Variants in NOL4 observed in about 807,000 individuals in gnomAD.
The protein encoded by NOL4 is nucleolar protein 4.
Under a neutral mutation model 75.9 loss-of-function variants are expected in NOL4, and 17 were observed. That is an observed-to-expected ratio of 0.22 (90% CI 0.15 to 0.34). NOL4 has a LOEUF of 0.34. Ranked by LOEUF, NOL4 falls within the 10% of genes least tolerant of loss-of-function variation. The probability of loss-of-function intolerance (pLI) is 1.00; values close to 1 mark genes in which losing one functional copy is unlikely to be tolerated. For synonymous variants in NOL4, 292 were observed against 289.9 expected (o/e 1.01, Z -0.07); for missense variants, 614 against 793.5 (o/e 0.77, Z 2.72).
At chr18:34,103,923 G>T (rs1382464530) in intron 4 of NOL4, 124 bp downstream of exon 4, 1 of 640,782 alleles carries the variant, frequency 1.6e-6, no homozygotes, top group African/African-American at 1.8e-5. Flanking sequence ...CAACTGTGGT[G>T]AGATTCATTC....
intron 2 of NOL4, among the ~76,000 whole-genome samples, chr18:34,116,040 C>T (rs2079841407): frequency 6.6e-6 from 1 of 152,120 alleles, no homozygotes; most frequent in Admixed American, 6.5e-5. Context: ...ATCAGTAAAA[C>T]AGAAAATAAT....
At chr18:34,046,833 T>G (rs1007088298) in intron 5 of NOL4, among the ~76,000 whole-genome samples, 2 of 151,652 alleles carry the variant, frequency 1.3e-5, no homozygotes, top group Non-Finnish European at 2.9e-5. Flanking sequence ...ATAAGCTACT[T>G]TAATTTGTTC....
At chr18:34,139,114 T>C (rs1035506769) in intron 1 of NOL4, among the ~76,000 whole-genome samples, 2 of 152,242 alleles carry the variant, frequency 1.3e-5, no homozygotes, top group African/African-American at 4.8e-5. Context: ...TCGATGTTTA[T>C]CAGGGATATT....
At chr18:34,171,874 C>T (rs1218345543) in intron 1 of NOL4, among the ~76,000 whole-genome samples, 1 of 152,022 alleles carries the variant, frequency 6.6e-6, no homozygotes, top group African/African-American at 2.4e-5. Flanking sequence ...TACATTCTAG[C>T]CTTAATCAGA....
rs555851323 is a variant in NOL4, at chr18:34,039,529, T to C, written c.773-19928A>G. On this transcript the variant is annotated intron_variant, in intron 5 of 10. Transcript: ENST00000261592. ...GCTTAGCCTCCATTTCTGTATAAAG[T>C]TAAGATGTGCATTTACTTGTCATTT... Among the ~76,000 whole-genome samples the C allele has an allele frequency of 7.2e-5, 11 of 152,146 alleles. No homozygotes were observed. The South Asian group carries it at 1.9e-3, about 26-fold the overall frequency.
rs146044779 is a variant in NOL4 at position 33,997,408 on chromosome 18, C to T, written c.1056+21910G>A. Among the ~76,000 whole-genome samples the T allele has an allele frequency of 7.9e-3, 1,193 of 151,694 alleles. 11 individuals carry two copies. The highest frequency in any genetic ancestry group is 0.027 in the African/African-American group (1,101 of 41,474). ...GTGTGTGGCTTTATTTCTGGGGTCTCTATTGTTTTTGATTGTTTTATATAT... is the reference window on the plus strand; with the variant it reads ...GTGTGTGGCTTTATTTCTGGGGTCTTTATTGTTTTTGATTGTTTTATATAT... On this transcript the variant is annotated intron_variant, in intron 6 of 10. Coordinates refer to ENST00000261592, the MANE Select transcript of NOL4 (RefSeq NM_003787.5).
At chr18:33,993,673 A>G (rs1437854209) in intron 6 of NOL4, among the ~76,000 whole-genome samples, 1 of 151,960 alleles carries the variant, frequency 6.6e-6, no homozygotes, top group Non-Finnish European at 1.5e-5. Flanking sequence ...CAAAGTAGCC[A>G]TTATAAATAT....
chr18:33,961,396 A>G (rs770724760), intron 6 of NOL4, among the ~76,000 whole-genome samples: 2 of 151,874 alleles, frequency 1.3e-5, no homozygotes, highest in Non-Finnish European at 2.9e-5. Context: ...GGGAAGGAAA[A>G]TTTGCCTATT....
Position 33,943,188 on chromosome 18 carries a change from A to G in NOL4, c.1429-10T>C, listed in dbSNP as rs751350444. ...AAGGAATAGGTCGAGACTAAAAAAAAAAAGAGAAAAGTATGAAAAAAATTA... is the reference window on the plus strand; with the variant it reads ...AAGGAATAGGTCGAGACTAAAAAAAGAAAGAGAAAAGTATGAAAAAAATTA... On this transcript the variant is annotated splice_polypyrimidine_tract_variant and intron_variant, in intron 8 of 10. Transcript: ENST00000261592. 1.0e-5 allele frequency: 16 copies of G among 1,588,810 alleles called. No homozygotes were observed. In the Admixed American group the frequency reaches 2.0e-4, roughly 20 times the overall value.
intron 1 of NOL4, among the ~76,000 whole-genome samples, chr18:34,136,132 C>A (rs2145948208): frequency 6.6e-6 from 1 of 152,142 alleles, no homozygotes; most frequent in South Asian, 2.1e-4. Context: ...TTGACAAAAG[C>A]CAACATACTT....
chr18:33,888,650 T>C (rs1380160962), intron 9 of NOL4, among the ~76,000 whole-genome samples: 1 of 152,132 alleles, frequency 6.6e-6, no homozygotes, highest in Admixed American at 6.6e-5. Context: ...TAGACAGTTT[T>C]CCCAGCACCA....
Position 33,865,438 on chromosome 18 carries a change from G to A in NOL4, c.1724-12403C>T, listed in dbSNP as rs548910404. Among the ~76,000 whole-genome samples, 74 of 151,806 alleles carry A rather than the reference G, an allele frequency of 4.9e-4. 1 individual carries two copies. The South Asian group carries it at 0.014, about 29-fold the overall frequency. ...TTTTTTCCAGTATTTTTGATCTGCC[G>A]TTGGTTCAGTCTGGAGATATGGAGC... On this transcript the variant is annotated intron_variant, in intron 10 of 10. Coordinates refer to ENST00000261592, the MANE Select transcript of NOL4 (RefSeq NM_003787.5).
intron 9 of NOL4, among the ~76,000 whole-genome samples, chr18:33,901,641 T>C (rs2065754870): frequency 6.6e-6 from 1 of 152,106 alleles, no homozygotes; most frequent in Non-Finnish European, 1.5e-5. Flanking sequence ...TTTTCATCCA[T>C]AACATATTAA....
chr18:33,860,669 T>C (rs1409133640), intron 10 of NOL4, among the ~76,000 whole-genome samples: 10 of 151,926 alleles, frequency 6.6e-5, no homozygotes, highest in Admixed American at 6.6e-4. Flanking sequence ...TCCAACACTA[T>C]GTTGAATAGG....
chr18:33,958,733 A>T (rs560189977), intron 6 of NOL4, among the ~76,000 whole-genome samples: 1 of 152,160 alleles, frequency 6.6e-6, no homozygotes, highest in African/African-American at 2.4e-5. Flanking sequence ...TTCCAAATAA[A>T]AAAGCAATCT....
chr18:34,135,435 G>C (rs528577096), intron 1 of NOL4, among the ~76,000 whole-genome samples: 27 of 151,978 alleles, frequency 1.8e-4, no homozygotes, highest in African/African-American at 5.1e-4. Context: ...GCGGTGGCTC[G>C]TGCCTGTAAT....
chr18:33,947,804 G>T (rs2068943097), intron 8 of NOL4, among the ~76,000 whole-genome samples: 2 of 151,786 alleles, frequency 1.3e-5, no homozygotes, highest in South Asian at 4.1e-4. Flanking sequence ...AATTATCACT[G>T]CTCAAATCAG....
At chr18:34,176,356 G>T (rs1461809397) in intron 1 of NOL4, among the ~76,000 whole-genome samples, 2 of 151,794 alleles carry the variant, frequency 1.3e-5, no homozygotes, top group Non-Finnish European at 2.9e-5. Flanking sequence ...ATCAGTCCTA[G>T]GAAACAAAAG....
At chr18:34,109,390 G>A (rs1244214765) in intron 2 of NOL4, among the ~76,000 whole-genome samples, 1 of 152,010 alleles carries the variant, frequency 6.6e-6, no homozygotes, top group African/African-American at 2.4e-5. Context: ...ATGGTGGCAT[G>A]CACCTGTAGT....
Sources: gnomAD v4.1 joint callset for allele counts (sites outside exome capture counted in the v4.1 genomes callset) on GRCh38, gnomAD v4.1.1 for gene constraint, MANE v1.5 for transcripts, NCBI Gene and HGNC (gene_info 2026-07-23, HGNC 2026-07-21) for gene names.